The following DNAI3 variants were observed in gnomAD, a reference collection of about 807,000 sequenced individuals.
DNAI3 encodes the protein WD repeat domain 63.
Under a neutral mutation model 115.5 loss-of-function variants are expected in DNAI3, and 83 were observed. The observed-to-expected ratio is 0.72, with a 90% CI of 0.60 to 0.86. The LOEUF is 0.86. DNAI3 is among the 40% of genes least tolerant of loss of function. DNAI3 has a pLI of 0.00. For missense variants in DNAI3, 1,004 were observed against 1,075.8 expected (o/e 0.93, Z 0.93); for synonymous variants, 320 against 347.0 (o/e 0.92, Z 0.86).
Position 85,086,040 on chromosome 1 carries a change from T to C in DNAI3, c.740+10T>C. The C allele has an allele frequency of 3.1e-6, 5 of 1,612,208 alleles. No individual in the cohort carries two copies. The highest frequency in any genetic ancestry group is 4.2e-6 in the Non-Finnish European group (5 of 1,179,188). ...GCACTCAGACAAAATGGTAAGTATG[T>C]GATGGGTGTATGTAATTTTATAGCC... On this transcript the variant is annotated intron_variant, in intron 7 of 22. Transcript: ENST00000294664.
intron 13 of DNAI3, among the ~76,000 whole-genome samples, chr1:85,100,673 C>T (rs76535066): frequency 0.07 from 10,618 of 152,050 alleles, 527 homozygotes; most frequent in East Asian, 0.17. Context: ...CACATGCACA[C>T]GTATGTTTAT....
At position 85,133,111 on chromosome 1, in the gene DNAI3, T is replaced by G; in HGVS notation, c.*113T>G. 1 of 1,223,534 alleles carries G rather than the reference T, an allele frequency of 8.2e-7. No individual in the cohort carries two copies. The highest frequency in any genetic ancestry group is 2.7e-5 in the East Asian group (1 of 37,226). 75.8% of individuals were successfully genotyped at this position (1,223,534 alleles called of 1,614,324 possible). ...ATAGGCTCATTTATAGACTTTTATTTCCCTGCTATTAAAACTTTTGAATTT... is the reference window on the plus strand; with the variant it reads ...ATAGGCTCATTTATAGACTTTTATTGCCCTGCTATTAAAACTTTTGAATTT... On this transcript the variant is annotated 3_prime_UTR_variant, in exon 23 of 23. Coordinates refer to ENST00000294664, the MANE Select transcript of DNAI3 (RefSeq NM_145172.5).
At position 85,108,066 on chromosome 1, in the gene DNAI3, A is replaced by T. The variant is rs765188086; in HGVS notation, c.1587A>T (p.Lys529Asn). The stretch of plus-strand genomic sequence containing the variant: ...GTTTTTGGGATATTAGACCACAGAA[A>T]CCTTTAACCCCCCAAACAACAGAGA... ...TICFWDIRPQ[K>N]PLTPQTTEKK... Residue 529 changes from lysine to asparagine, a missense_variant, in exon 15 of 23, where the codon AAA becomes AAT. Coordinates refer to ENST00000294664, the MANE Select transcript of DNAI3 (RefSeq NM_145172.5). 16 of 1,602,108 alleles carry T rather than the reference A, an allele frequency of 1.0e-5. No homozygotes were observed. Among genetic ancestry groups the T allele is most frequent in the Non-Finnish European group, 1.2e-5 (14 of 1,175,942 alleles).
At chr1:85,101,833 G>A (rs1655330573) in intron 13 of DNAI3, among the ~76,000 whole-genome samples, 1 of 150,304 alleles carries the variant, frequency 6.7e-6, no homozygotes, top group Non-Finnish European at 1.5e-5. Context: ...TTTCAAAGAT[G>A]ATTAATGTTG....
rs570780748 is a variant in DNAI3 at position 85,074,895 on chromosome 1, T to A, written c.103+1803T>A. 3.9e-5 allele frequency among the ~76,000 whole-genome samples: 6 copies of A among 152,314 alleles called. No individual in the cohort carries two copies. In the South Asian group the frequency reaches 1.2e-3, roughly 32 times the overall value. ...ATGGCCAAATCATGGCAAACAGCACTATAACTCATTACTGAATAAATAAAT... is the reference window on the plus strand; with the variant it reads ...ATGGCCAAATCATGGCAAACAGCACAATAACTCATTACTGAATAAATAAAT... On this transcript the variant is annotated intron_variant, in intron 3 of 22. Transcript: ENST00000294664.
At position 85,095,634 on chromosome 1, in the gene DNAI3, A is replaced by G. The variant is rs575483662; in HGVS notation, c.1174-297A>G. Among the ~76,000 whole-genome samples the G allele has an allele frequency of 3.0e-3, 459 of 152,332 alleles. 1 individual carries two copies. Among genetic ancestry groups the G allele is most frequent in the Non-Finnish European group, 5.4e-3 (365 of 68,032 alleles). On this transcript the variant is annotated intron_variant, in intron 10 of 22. Coordinates refer to ENST00000294664, the MANE Select transcript of DNAI3 (RefSeq NM_145172.5). ...ACACTAATTTCATAGTCTTTTTGTT[A>G]TAAACATTGTAACATGCTCCCAAAA...
At chr1:85,072,726 T>C (rs936145022) in intron 2 of DNAI3, among the ~76,000 whole-genome samples, 4 of 150,686 alleles carry the variant, frequency 2.7e-5, no homozygotes, top group South Asian at 4.2e-4. Flanking sequence ...GAGGCCAAGG[T>C]GGACGGATCA....
rs1313392933 is a variant in DNAI3 at position 85,072,597 on chromosome 1, G to A, written c.65-457G>A. Reference sequence around the variant, plus strand: ...GCAGAGGTTGCAATGAGCAGAGATCGCGCCACTGCACTCCAGCCTGGGCAA... The same window carrying A: ...GCAGAGGTTGCAATGAGCAGAGATCACGCCACTGCACTCCAGCCTGGGCAA... On this transcript the variant is annotated intron_variant, in intron 2 of 22. Coordinates refer to ENST00000294664, the MANE Select transcript of DNAI3 (RefSeq NM_145172.5). Among the ~76,000 whole-genome samples, 7 of 149,444 alleles carry A rather than the reference G, an allele frequency of 4.7e-5. No individual in the cohort carries two copies. In the East Asian group the frequency reaches 1.2e-3, roughly 25 times the overall value.
chr1:85,066,123 A>C (rs1005801919), intron 1 of DNAI3, among the ~76,000 whole-genome samples: 2 of 152,168 alleles, frequency 1.3e-5, no homozygotes, highest in African/African-American at 4.8e-5. Context: ...TTAATTTACA[A>C]AGAAAATAAG....
chr1:85,128,158 A>AAGAAGG (rs575602120), intron 20 of DNAI3, among the ~76,000 whole-genome samples: 2,334 of 131,110 alleles, frequency 0.018, 85 homozygotes, highest in African/African-American at 0.055. Flanking sequence ...AAAGAAGAAG[A>AAGAAGG]AGAAGGAGAA....
intron 1 of DNAI3, among the ~76,000 whole-genome samples, chr1:85,067,713 C>T (rs1016498210): frequency 1.3e-5 from 2 of 152,094 alleles, no homozygotes; most frequent in Admixed American, 1.3e-4. Flanking sequence ...AAGTGAAAGA[C>T]AAAGAAGAGG....
chr1:85,132,445 A>T (rs1048980600), intron 22 of DNAI3, among the ~76,000 whole-genome samples: 1 of 152,228 alleles, frequency 6.6e-6, no homozygotes, highest in Non-Finnish European at 1.5e-5. Context: ...CCTAACCAGA[A>T]TTTCAGCTGG....
chr1:85,093,435 CT>C (rs11304107), intron 8 of DNAI3, 22 bp from the exon 9 acceptor site: 1,012,913 of 1,608,060 alleles, frequency 0.63, 319,626 homozygotes, highest in African/African-American at 0.69. Context: ...ATCTTAATTG[CT>C]TTTTTTATTT....
Position 85,133,021 on chromosome 1 carries a change from T to G in DNAI3, c.*23T>G. 1 of 1,604,008 alleles carries G rather than the reference T, an allele frequency of 6.2e-7. No individual in the cohort carries two copies. Among genetic ancestry groups the G allele is most frequent in the Non-Finnish European group, 8.5e-7 (1 of 1,177,198 alleles). Reference sequence around the variant, plus strand: ...TAAAAAAGCTTCCTGAAGGGGTGTTTTGGGGACTTCTTCCCTCTATTTATT... The same window carrying G: ...TAAAAAAGCTTCCTGAAGGGGTGTTGTGGGGACTTCTTCCCTCTATTTATT... On this transcript the variant is annotated 3_prime_UTR_variant, in exon 23 of 23. Coordinates refer to ENST00000294664, the MANE Select transcript of DNAI3 (RefSeq NM_145172.5).
At position 85,078,132 on chromosome 1, in the gene DNAI3, C is replaced by T. The variant is rs1654515860; in HGVS notation, c.104-3102C>T. 2.0e-5 allele frequency among the ~76,000 whole-genome samples: 3 copies of T among 151,932 alleles called. No individual in the cohort carries two copies. In the South Asian group the frequency reaches 6.2e-4, roughly 32 times the overall value. ...TTGTCTATGTGTAGAGAAGCAGGAC[C>T]CTCTCCATGGATCTTCTGTGTCCAC... On this transcript the variant is annotated intron_variant, in intron 3 of 22. Transcript: ENST00000294664.
intron 2 of DNAI3, among the ~76,000 whole-genome samples, chr1:85,072,677 C>CG (rs1178831412): frequency 7.3e-6 from 1 of 137,604 alleles, no homozygotes. Context: ...AAAGATTGGC[C>CG]GGGCACAGTG....
chr1:85,095,313 C>G (rs1205090301), intron 10 of DNAI3, among the ~76,000 whole-genome samples: 3 of 152,120 alleles, frequency 2.0e-5, no homozygotes, highest in Non-Finnish European at 2.9e-5. Context: ...TTAAGACTTT[C>G]CCTAAAAAAC....
intron 8 of DNAI3, among the ~76,000 whole-genome samples, chr1:85,091,000 T>G (rs1176480488): frequency 6.6e-6 from 1 of 152,214 alleles, no homozygotes; most frequent in Non-Finnish European, 1.5e-5. Flanking sequence ...TCATACTGGA[T>G]TAAATATCCT....
At chr1:85,066,314 C>CTT (rs57553075) in intron 1 of DNAI3, among the ~76,000 whole-genome samples, 11,043 of 69,924 alleles carry the variant, frequency 0.16, 4,000 homozygotes, top group Non-Finnish European at 0.18. Context: ...TTCTGCTACT[C>CTT]TTTTTTTTTT....
Sources: allele counts gnomAD v4.1 joint callset (sites outside exome capture counted in the v4.1 genomes callset), GRCh38; gene constraint gnomAD v4.1.1; transcripts MANE v1.5; gene names NCBI Gene and HGNC (gene_info 2026-07-23, HGNC 2026-07-21).